Variants in TP63 observed in about 807,000 individuals in gnomAD.
TP63 encodes tumor protein 63.
A neutral mutation model predicts 82.8 loss-of-function variants in TP63; 17 were observed. That is an observed-to-expected ratio of 0.21 (90% confidence interval 0.14 to 0.31). The LOEUF (loss-of-function observed/expected upper bound fraction) is 0.31, where lower values mean the gene tolerates loss of function less well. Ranked by LOEUF, TP63 falls within the 10% of genes least tolerant of loss-of-function variation. The pLI is 1.00. For synonymous variants in TP63, 330 were observed against 321.7 expected, an observed-to-expected ratio of 1.03 and a Z score of -0.28; for missense variants, 648 against 895.3, an observed-to-expected ratio of 0.72 and a Z score of 3.52.
chr3:189,807,334 C>G (rs1727023740), intron 3 of TP63, among the ~76,000 whole-genome samples: 1 of 152,248 alleles, frequency 6.6e-6, no homozygotes, highest in Non-Finnish European at 1.5e-5. Context: ...AAATGCTCTA[C>G]CTCTCCGATA....
At chr3:189,649,515 T>C (rs188295188) in intron 1 of TP63, among the ~76,000 whole-genome samples, 3 of 146,258 alleles carry the variant, frequency 2.1e-5, no homozygotes, top group African/African-American at 7.7e-5. Flanking sequence ...AAAATAATAA[T>C]TAATGAGTGC....
intron 1 of TP63, among the ~76,000 whole-genome samples, chr3:189,663,457 A>T (rs1427301984): frequency 6.6e-6 from 1 of 151,738 alleles, no homozygotes; most frequent in Non-Finnish European, 1.5e-5. Flanking sequence ...TAATTTCAGT[A>T]CAATTTCAGG....
chr3:189,829,941 T>G, intron 4 of TP63: 1 of 369,636 alleles, frequency 2.7e-6, no homozygotes, highest in South Asian at 2.0e-5. Flanking sequence ...ACATCTCATC[T>G]GATATACAAT....
intron 1 of TP63, among the ~76,000 whole-genome samples, chr3:189,726,216 C>T (rs1719770513): frequency 6.6e-6 from 1 of 152,170 alleles, no homozygotes; most frequent in South Asian, 2.1e-4. Context: ...GGCCGATCGT[C>T]TTATCACTGA....
At chr3:189,691,356 AAAAAG>A (rs1186443342) in intron 1 of TP63, among the ~76,000 whole-genome samples, 8 of 137,026 alleles carry the variant, frequency 5.8e-5, no homozygotes, top group Admixed American at 5.1e-4. Context: ...AAAAAAAAAA[AAAAAG>A]AAAAAGAAAA....
At chr3:189,716,934 G>A (rs1719006205) in intron 1 of TP63, among the ~76,000 whole-genome samples, 1 of 152,030 alleles carries the variant, frequency 6.6e-6, no homozygotes, top group Admixed American at 6.6e-5. Flanking sequence ...AAGTAGCTGG[G>A]ACTACAGGCG....
chr3:189,738,009 CTT>C, intron 2 of TP63, 141 bp downstream of exon 2: 1 of 1,009,898 alleles, frequency 9.9e-7, no homozygotes, highest in Non-Finnish European at 1.5e-6. Flanking sequence ...AATGCCATCT[CTT>C]TGTTCAAATT....
intron 10 of TP63, among the ~76,000 whole-genome samples, chr3:189,875,840 AG>A (rs67131713): frequency 0.71 from 106,969 of 150,984 alleles, 38,243 homozygotes; most frequent in Middle Eastern, 0.86. Context: ...TCTAATAAAA[AG>A]CAACACCAGC....
intron 1 of TP63, among the ~76,000 whole-genome samples, chr3:189,682,920 A>G (rs1422079610): frequency 6.6e-6 from 1 of 152,140 alleles, no homozygotes; most frequent in African/African-American, 2.4e-5. Context: ...ATGGTTTATA[A>G]ATGATACTAA....
rs766329916 is a variant in TP63, at chr3:189,889,395, C to T, written c.1563C>T (p.Pro521=). ...PMAGDMNGLS[P]TQALPPPLSM... is the part of the protein sequence containing the mutation. ...CTGGAGACATGAATGGACTCAGCCC[C>T]ACCCAGGCACTCCCTCCCCCACTCT... Residue 521 remains proline, a synonymous_variant, in exon 12 of 14, where the codon CCC becomes CCT. Transcript: ENST00000264731. The T allele has an allele frequency of 1.2e-6, 2 of 1,614,030 alleles. No individual in the cohort carries two copies. The highest frequency in any genetic ancestry group is 2.7e-5 in the African/African-American group (2 of 74,920).
intron 3 of TP63, among the ~76,000 whole-genome samples, chr3:189,790,777 T>C (rs1515496): frequency 0.34 from 50,884 of 151,822 alleles, 8,845 homozygotes; most frequent in Admixed American, 0.46. Context: ...TGCAGGTGAG[T>C]GCTTGGAAAA....
chr3:189,800,859 G>T (rs986490673), intron 3 of TP63, among the ~76,000 whole-genome samples: 2 of 152,176 alleles, frequency 1.3e-5, no homozygotes, highest in Non-Finnish European at 2.9e-5. Context: ...TTCTTTTATA[G>T]AGGGGATGGA....
intron 3 of TP63, among the ~76,000 whole-genome samples, chr3:189,778,167 G>A (rs536924413): frequency 3.9e-5 from 6 of 152,200 alleles, no homozygotes; most frequent in Admixed American, 2.6e-4. Flanking sequence ...GCGCCTGGCC[G>A]AGTCTTATTC....
intron 1 of TP63, among the ~76,000 whole-genome samples, chr3:189,635,884 A>G (rs549420674): frequency 7.9e-5 from 12 of 152,260 alleles, no homozygotes; most frequent in African/African-American, 2.9e-4. Flanking sequence ...AATAATTGAT[A>G]TAGTAATTAA....
chr3:189,721,553 C>T (rs1274978940), intron 1 of TP63, among the ~76,000 whole-genome samples: 3 of 151,944 alleles, frequency 2.0e-5, no homozygotes, highest in Non-Finnish European at 4.4e-5. Flanking sequence ...CCTTGGGTTG[C>T]TCTGCTGAAG....
At chr3:189,767,298 T>C (rs1383501841) in intron 3 of TP63, among the ~76,000 whole-genome samples, 1 of 152,112 alleles carries the variant, frequency 6.6e-6, no homozygotes, top group Non-Finnish European at 1.5e-5. Context: ...AAAAAAAACA[T>C]GAACAGTAAT....
intron 1 of TP63, among the ~76,000 whole-genome samples, chr3:189,635,360 T>TA (rs1194523598): frequency 2.0e-5 from 3 of 152,132 alleles, no homozygotes; most frequent in Admixed American, 2.0e-4. Flanking sequence ...ATTTGTAAGT[T>TA]AAAATCACCT....
At chr3:189,727,696 G>A (rs570581997) in intron 1 of TP63, among the ~76,000 whole-genome samples, 67 of 152,034 alleles carry the variant, frequency 4.4e-4, no homozygotes, top group African/African-American at 1.5e-3. Flanking sequence ...ATGTATCTGG[G>A]TCGTGGATGT....
At chr3:189,726,197 C>T (rs755477634) in intron 1 of TP63, among the ~76,000 whole-genome samples, 102 of 152,164 alleles carry the variant, frequency 6.7e-4, no homozygotes, top group Non-Finnish European at 2.1e-4. Flanking sequence ...CGGTCTTACT[C>T]TCTGGGTGGG....
Sources: allele counts gnomAD v4.1 joint callset (sites outside exome capture counted in the v4.1 genomes callset), GRCh38; gene constraint gnomAD v4.1.1; transcripts MANE v1.5; gene names NCBI Gene and HGNC (gene_info 2026-07-23, HGNC 2026-07-21).